The following MRPS21 variants were observed in gnomAD, a reference collection of about 807,000 sequenced individuals.
MRPS21 encodes mitochondrial ribosomal protein S21.
MRPS21 carries 8 observed loss-of-function variants against 9.9 expected under a neutral mutation model. That is an observed-to-expected ratio of 0.81 (90% CI 0.47 to 1.45). The LOEUF (loss-of-function observed/expected upper bound fraction) is 1.45. Ranked by LOEUF, MRPS21 falls within the 40% of genes most tolerant of loss-of-function variation. MRPS21 has a pLI of 0.00. For synonymous variants in MRPS21, 40 were observed against 40.3 expected (o/e 0.99, Z 0.03); for missense variants, 101 against 118.9 (o/e 0.85, Z 0.70).
chr1:150,294,282 T>G, intron 1 of MRPS21, 53 bp from the exon 2 acceptor site: 1 of 1,255,298 alleles, frequency 8.0e-7, no homozygotes, highest in Non-Finnish European at 1.2e-6. Context: ...GTAGTTTGTA[T>G]TATGTTGCGT....
intron 2 of MRPS21, among the ~76,000 whole-genome samples, chr1:150,297,971 T>C (rs1360410916): frequency 9.2e-5 from 14 of 151,822 alleles, no homozygotes; most frequent in East Asian, 3.9e-4. Flanking sequence ...TTCACTCTTA[T>C]TGCCCAAGCT....
intron 2 of MRPS21, among the ~76,000 whole-genome samples, chr1:150,300,519 T>C (rs1654077435): frequency 6.6e-6 from 1 of 152,234 alleles, no homozygotes; most frequent in Admixed American, 6.5e-5. Context: ...TCAAACTTTT[T>C]TACTGAAGTG....
chr1:150,297,489 T>C (rs1553856787), intron 2 of MRPS21, among the ~76,000 whole-genome samples: 2 of 151,976 alleles, frequency 1.3e-5, no homozygotes, highest in African/African-American at 4.8e-5. Context: ...CTGGCCAACA[T>C]AGCGAAACCC....
chr1:150,294,043 T>A (rs112240224), intron 1 of MRPS21, 145 bp downstream of exon 1: 26 of 334,700 alleles, frequency 7.8e-5, no homozygotes, highest in African/African-American at 5.5e-4. Flanking sequence ...TGTGTGGTGG[T>A]TGGGACCCTG....
intron 2 of MRPS21, among the ~76,000 whole-genome samples, chr1:150,299,670 G>C (rs1302696373): frequency 2.0e-5 from 3 of 152,014 alleles, no homozygotes; most frequent in Non-Finnish European, 2.9e-5. Context: ...GGCCAGGCTG[G>C]TCTCGAACTC....
chr1:150,303,906 C>T, intron 2 of MRPS21: 1 of 455,946 alleles, frequency 2.2e-6, no homozygotes, highest in African/African-American at 2.0e-5. Context: ...CCTAGTTGTT[C>T]TTTGCCAAGT....
At chr1:150,307,236 C>T (rs142520311) in intron 2 of MRPS21, among the ~76,000 whole-genome samples, 45 of 151,556 alleles carry the variant, frequency 3.0e-4, no homozygotes, top group Middle Eastern at 3.4e-3. Flanking sequence ...TTAGTAGAGA[C>T]GGGGTTTCAC....
rs144788909 is a variant in MRPS21 at position 150,308,187 on chromosome 1, T to C, written c.223T>C (p.Leu75=). The C allele has an allele frequency of 8.7e-6, 14 of 1,604,906 alleles. No homozygotes were observed. The African/African-American group carries it at 1.7e-4, about 20-fold the overall frequency. ...GGAAATGGCTCGCAAGATCAACTTC[T>C]TGATGCGAAAGAATCGGGCAGATCC... ...NMEMARKINF[L]MRKNRADPWQ... The change falls in exon 3 of 3, where the codon TTG becomes CTG. Residue 75 remains leucine, a synonymous_variant. Transcript: ENST00000614145.
intron 2 of MRPS21, among the ~76,000 whole-genome samples, chr1:150,301,818 C>T (rs1654145860): frequency 6.6e-6 from 1 of 151,966 alleles, no homozygotes; most frequent in African/African-American, 2.4e-5. Context: ...CCAGGCTGGT[C>T]TCAAACTCCT....
chr1:150,294,684 C>G (rs1193017551), intron 2 of MRPS21, among the ~76,000 whole-genome samples: 1 of 151,650 alleles, frequency 6.6e-6, no homozygotes, highest in African/African-American at 2.4e-5. Flanking sequence ...GGATCACATG[C>G]GGTCAGGAGT....
chr1:150,294,309 C>T lies in MRPS21; in HGVS notation c.-32-26C>T. On this transcript the variant is annotated intron_variant, in intron 1 of 2. Coordinates refer to ENST00000614145, the MANE Select transcript of MRPS21 (RefSeq NM_031901.6). ...ATGTTGCGTTTCTCTTTCTGCTTTC[C>T]TCGCCCTTTCTCCATCATCCTTTAG... 4.7e-6 allele frequency: 7 copies of T among 1,476,812 alleles called. No individual in the cohort carries two copies. In the South Asian group the frequency reaches 6.8e-5, roughly 14 times the overall value. 91.5% of individuals were successfully genotyped at this position (1,476,812 alleles called of 1,614,324 possible). A position where few individuals can be genotyped will look rare whatever the true frequency, so the allele number is the denominator to read the frequency against.
chr1:150,298,673 C>T (rs781881081), intron 2 of MRPS21, among the ~76,000 whole-genome samples: 1 of 152,202 alleles, frequency 6.6e-6, no homozygotes, highest in Non-Finnish European at 1.5e-5. Flanking sequence ...GCAATCTCTG[C>T]TCACTGTGAC....
intron 2 of MRPS21, among the ~76,000 whole-genome samples, chr1:150,297,953 G>A (rs587762630): frequency 1.1e-4 from 16 of 142,882 alleles, no homozygotes; most frequent in Middle Eastern, 3.6e-3. Context: ...TTTTTTTTGA[G>A]ACAGAGTTTC....
rs1654420387 is a variant in MRPS21 at position 150,308,221 on chromosome 1, G to T, written c.257G>T (p.Gly86Val). Reference protein sequence around the residue: ...MRKNRADPWQGC With the variant: ...MRKNRADPWQVC ...AAGAATCGGGCAGATCCGTGGCAGGGCTGCTGAGGCCTGTGGGTGGGACAC... is the reference window on the plus strand; with the variant it reads ...AAGAATCGGGCAGATCCGTGGCAGGTCTGCTGAGGCCTGTGGGTGGGACAC... The change falls in exon 3 of 3, where the codon GGC (glycine) becomes GTC (valine). Residue 86 changes from glycine to valine, a missense_variant. Gly to Val is a moderately radical substitution (Grantham distance 109, BLOSUM62 -3). Coordinates refer to ENST00000614145, the MANE Select transcript of MRPS21 (RefSeq NM_031901.6). 11 of 1,592,380 alleles carry T rather than the reference G, an allele frequency of 6.9e-6. No homozygotes were observed. Among genetic ancestry groups the T allele is most frequent in the Non-Finnish European group, 9.5e-6 (11 of 1,161,880 alleles).
At chr1:150,298,391 T>G (rs1653990368) in intron 2 of MRPS21, among the ~76,000 whole-genome samples, 1 of 152,232 alleles carries the variant, frequency 6.6e-6, no homozygotes, top group Non-Finnish European at 1.5e-5. Flanking sequence ...TTTTGGTAGA[T>G]TTAGATAGGT....
chr1:150,307,372 C>CTTTTT (rs1159033815), intron 2 of MRPS21, among the ~76,000 whole-genome samples: 1 of 110,984 alleles, frequency 9.0e-6, no homozygotes, highest in African/African-American at 3.6e-5. Context: ...TTTTTTTTTC[C>CTTTTT]TTTGAGTCAA....
chr1:150,294,536 C>G lies in MRPS21; in HGVS notation c.83+87C>G, dbSNP rs879951164. 5 of 1,110,662 alleles carry G rather than the reference C, an allele frequency of 4.5e-6. No homozygotes were observed. In the South Asian group the frequency reaches 5.2e-5, roughly 12 times the overall value. 68.8% of individuals were successfully genotyped at this position (1,110,662 alleles called of 1,614,324 possible). A position where few individuals can be genotyped will look rare whatever the true frequency, so the allele number is the denominator to read the frequency against. On this transcript the variant is annotated intron_variant, in intron 2 of 2. Transcript: ENST00000614145. ...CCCTTCCCCTTTCGTTGATTGTTCT[C>G]AAAACAGTGCCAGCCCAGGTGTTCA...
At chr1:150,302,939 T>C (rs900209597) in intron 2 of MRPS21, among the ~76,000 whole-genome samples, 3 of 152,196 alleles carry the variant, frequency 2.0e-5, no homozygotes, top group African/African-American at 7.2e-5. Context: ...TGGAAGTAAG[T>C]AGTACATCCA....
intron 2 of MRPS21, 92 bp from the exon 3 acceptor site, chr1:150,307,956 C>T (rs1449141536): frequency 8.3e-7 from 1 of 1,206,224 alleles, no homozygotes. Flanking sequence ...TTTATAAATA[C>T]CAATTGTTTG....
Sources: allele counts gnomAD v4.1 joint callset (sites outside exome capture counted in the v4.1 genomes callset), GRCh38; gene constraint gnomAD v4.1.1; transcripts MANE v1.5; gene names NCBI Gene and HGNC (gene_info 2026-07-23, HGNC 2026-07-21).